DPP9: variants seen among roughly 807,000 people sequenced by gnomAD.
DPP9 encodes dipeptidyl peptidase IV-related protein-2.
Under a neutral mutation model 110.7 loss-of-function variants are expected in DPP9, and 50 were observed. The ratio of observed to expected loss-of-function variants is 0.45; its 90% CI spans 0.36 to 0.57. The LOEUF (loss-of-function observed/expected upper bound fraction) is 0.57. Ranked by LOEUF, DPP9 falls within the 20% of genes least tolerant of loss-of-function variation. The pLI, the probability that DPP9 is intolerant of heterozygous loss-of-function variation, is 0.00. For missense variants in DPP9, 1,022 were observed against 1,217.9 expected (o/e 0.84, Z 2.39); for synonymous variants, 561 against 514.4 (o/e 1.09, Z -1.23).
At chr19:4,715,133 C>T (rs892589036) in intron 3 of DPP9, among the ~76,000 whole-genome samples, 2 of 143,994 alleles carry the variant, frequency 1.4e-5, no homozygotes, top group African/African-American at 2.5e-5. Context: ...GATTCTCCTG[C>T]CTCAGCCTCC....
At position 4,704,894 on chromosome 19, in the gene DPP9, G is replaced by A. The variant is rs1029630445; in HGVS notation, c.427-590C>T. Among the ~76,000 whole-genome samples the A allele has an allele frequency of 3.3e-5, 5 of 152,208 alleles. No individual in the cohort carries two copies. The highest frequency in any genetic ancestry group is 7.3e-5 in the Non-Finnish European group (5 of 68,044). ...CGCGCCTGTAGTCCCAGCTACTTGG[G>A]ACGCTGAGGCAGAAGAATCACTTGA... On this transcript the variant is annotated intron_variant, in intron 5 of 21. Transcript: ENST00000262960. This position sits in a 1 kb window ranked among gnomAD's most constrained non-coding sequence, Gnocchi z 6.0.
rs1329616429 is a variant in DPP9, at chr19:4,694,657, T to A, written c.1516+4A>T. On this transcript the variant is annotated splice_donor_region_variant and intron_variant, in intron 13 of 21. Transcript: ENST00000262960. This position sits in a 1 kb window ranked among gnomAD's most constrained non-coding sequence, Gnocchi z 4.0. ...GTCGACAGCATTCGTCAGGCTCTGC[T>A]CACCTTCCCCGGGGCTGAAGGGCTC... 6.2e-7 allele frequency: 1 copy of A among 1,609,696 alleles called. No individual in the cohort carries two copies. Among genetic ancestry groups the A allele is most frequent in the East Asian group, 2.2e-5 (1 of 44,790 alleles).
In DPP9 at chr19:4,702,051, C is replaced by T; in HGVS notation, c.988G>A (p.Asp330Asn). Residue 330 changes from aspartate to asparagine, a missense_variant, in exon 9 of 22, where the codon GAC becomes AAC. Asp to Asn is a conservative substitution (Grantham distance 23, BLOSUM62 1). Transcript: ENST00000262960. ...CCTGTCCTGGGGTACCGATACGAGT[C>T]CGTCTTCCTTTCTTCTAGCGCAGGA... ...PSPALEERKTDSYRYPRTGSK... is the reference protein window; with the variant it reads ...PSPALEERKTNSYRYPRTGSK... The T allele has an allele frequency of 1.2e-6, 2 of 1,613,942 alleles. No individual in the cohort carries two copies. Among genetic ancestry groups the T allele is most frequent in the Non-Finnish European group, 1.7e-6 (2 of 1,179,836 alleles).
intron 4 of DPP9, among the ~76,000 whole-genome samples, chr19:4,713,407 T>C (rs1042146649): frequency 2.0e-5 from 3 of 152,196 alleles, no homozygotes; most frequent in Admixed American, 6.5e-5. Context: ...ACCCGTGCCC[T>C]GAAGGCACTC....
At chr19:4,714,390 C>G (rs1343759575) in intron 3 of DPP9, 53 bp from the exon 4 acceptor site, 3 of 1,452,326 alleles carry the variant, frequency 2.1e-6, no homozygotes, top group Non-Finnish European at 2.7e-6. Context: ...TACCTACGAG[C>G]TGCCCCAATG....
rs2091532005 is a variant in DPP9 at position 4,693,707 on chromosome 19, G to A, written c.1516+954C>T. On this transcript the variant is annotated intron_variant, in intron 13 of 21. Transcript: ENST00000262960. This position sits in a 1 kb window ranked among gnomAD's most constrained non-coding sequence, Gnocchi z 5.0. ...CTGTGTGCAAGCTGCAACCAGAGGA[G>A]TCATCTGAAACTGAGGTGAGGGTGA... 6.6e-6 allele frequency among the ~76,000 whole-genome samples: 1 copy of A among 152,084 alleles called. No individual in the cohort carries two copies. The highest frequency in any genetic ancestry group is 2.4e-5 in the African/African-American group (1 of 41,408).
In DPP9 at chr19:4,720,329, G is replaced by A. The variant is rs115763968; in HGVS notation, c.-35-388C>T. 1.5e-3 allele frequency among the ~76,000 whole-genome samples: 235 copies of A among 152,182 alleles called. 4 individuals are homozygous for A. The highest frequency in any genetic ancestry group is 5.3e-3 in the African/African-American group (219 of 41,518). ...TGCTTCACCCTTGACCATGACCTTC[G>A]GCCACACTTGCCTCCTTCTTGTCCC... On this transcript the variant is annotated intron_variant, in intron 2 of 21. Coordinates refer to ENST00000262960, the MANE Select transcript of DPP9 (RefSeq NM_139159.5).
At chr19:4,705,410 C>T (rs1053350879) in intron 5 of DPP9, among the ~76,000 whole-genome samples, 14 of 152,138 alleles carry the variant, frequency 9.2e-5, no homozygotes, top group African/African-American at 3.4e-4. Flanking sequence ...TTTGTAGAGA[C>T]AGGCTCTTGC....
chr19:4,686,856 C>T (rs758566790), intron 16 of DPP9, among the ~76,000 whole-genome samples: 7 of 152,204 alleles, frequency 4.6e-5, no homozygotes, highest in East Asian at 1.9e-4. Context: ...TTGGGCGTGG[C>T]GGGACACGCT....
At chr19:4,690,771 ATG>A (rs748976510) in intron 14 of DPP9, 105 bp downstream of exon 14, 48 of 866,130 alleles carry the variant, frequency 5.5e-5, no homozygotes, top group Non-Finnish European at 7.6e-5. Flanking sequence ...GAGAATGAGT[ATG>A]TGTGTGAGTG....
rs1319401506 is a variant in DPP9 at position 4,714,101 on chromosome 19, G to A, written c.293C>T (p.Ser98Phe). 6.2e-7 allele frequency: 1 copy of A among 1,612,064 alleles called. No individual in the cohort carries two copies. The highest frequency in any genetic ancestry group is 1.7e-5 in the Admixed American group (1 of 59,924). ...CTTACCCAGGTAGTAGAGGCGGTGG[G>A]AGTGGGGCCCAGACTCATCCGTCTT... ...VQKTDESGPH[S>F]HRLYYLGMPY... The change falls in exon 4 of 22, where the codon TCC (serine) becomes TTC (phenylalanine). Residue 98 changes from serine (S) to phenylalanine (F), a missense_variant. Coordinates refer to ENST00000262960, the MANE Select transcript of DPP9 (RefSeq NM_139159.5).
rs1568294421 is a variant in DPP9 at position 4,676,239 on chromosome 19, C to G, written c.*325G>C. The G allele has an allele frequency of 3.1e-6, 1 of 320,054 alleles. No individual in the cohort carries two copies. Among genetic ancestry groups the G allele is most frequent in the Non-Finnish European group, 5.9e-6 (1 of 170,162 alleles). The allele number at this position is 320,054 out of a possible 1,614,324, so 19.8% of individuals were successfully genotyped here. On this transcript the variant is annotated 3_prime_UTR_variant, in exon 22 of 22. Transcript: ENST00000262960. This position sits in a 1 kb window ranked among gnomAD's most constrained non-coding sequence, Gnocchi z 4.0. ...AGGGAGCCCCAGGCGGAAGGCAGCC[C>G]GCTCCTCTGAGTCTCTTCTGGCCTC...
chr19:4,694,359 T>C lies in DPP9; in HGVS notation c.1516+302A>G, dbSNP rs1301593456. The C allele has an allele frequency of 2.0e-6, 1 of 502,710 alleles. No individual in the cohort carries two copies. Among genetic ancestry groups the C allele is most frequent in the Non-Finnish European group, 3.5e-6 (1 of 284,708 alleles). 31.1% of individuals were successfully genotyped at this position (502,710 alleles called of 1,614,324 possible). ...CTCAGTGCCAATAAAACTTTATTTA[T>C]GAACACAGGTGGTGGGCCGGATTTG... On this transcript the variant is annotated intron_variant, in intron 13 of 21. Transcript: ENST00000262960. This position sits in a 1 kb window ranked among gnomAD's most constrained non-coding sequence, Gnocchi z 4.0.
At chr19:4,688,971 T>C in intron 15 of DPP9, 79 bp from the exon 16 acceptor site, 1 of 1,451,614 alleles carries the variant, frequency 6.9e-7, no homozygotes. Context: ...AGATCCAGGG[T>C]AGCTTCCCTC....
chr19:4,683,454 G>A (rs564208498), intron 19 of DPP9, 23 bp downstream of exon 19: 3 of 1,612,196 alleles, frequency 1.9e-6, no homozygotes, highest in African/African-American at 2.7e-5. Flanking sequence ...GCGTGGCTGA[G>A]GCCGGCCAGG....
Position 4,675,944 on chromosome 19 carries a change from T to A in DPP9, c.*620A>T, listed in dbSNP as rs1259770550. The A allele has an allele frequency of 6.6e-6, 1 of 152,468 alleles. No homozygotes were observed. Among genetic ancestry groups the A allele is most frequent in the African/African-American group, 2.4e-5 (1 of 41,438 alleles). The allele number at this position is 152,468 out of a possible 1,614,324, so 9.4% of individuals were successfully genotyped here. On this transcript the variant is annotated 3_prime_UTR_variant, in exon 22 of 22. Transcript: ENST00000262960. ...GCGCCACCACACCCGGCTAATTTTTTGTATTTTTAGTAGAGACGGGGTTTC... is the reference window on the plus strand; with the variant it reads ...GCGCCACCACACCCGGCTAATTTTTAGTATTTTTAGTAGAGACGGGGTTTC...
In DPP9 at chr19:4,684,762, G is replaced by A. The variant is rs374776149; in HGVS notation, c.2079C>T (p.Leu693=). Reference sequence around the variant, plus strand: ...CGTAGCCCAGGGAGGCCAGTGTGTTGAGCCGCAAGTACTTGATGCCTTTGA... The same window carrying A: ...CGTAGCCCAGGGAGGCCAGTGTGTTAAGCCGCAAGTACTTGATGCCTTTGA... ...NSFKGIKYLR[L]NTLASLGYAV... The change falls in exon 18 of 22, where the codon CTC becomes CTT. Residue 693 remains leucine (L), a synonymous_variant. Transcript: ENST00000262960. The surrounding 1 kb of genome is among the most constrained non-coding windows in gnomAD (Gnocchi z 4.8). 8.1e-6 allele frequency: 13 copies of A among 1,605,286 alleles called. No homozygotes were observed. The highest frequency in any genetic ancestry group is 1.0e-5 in the Non-Finnish European group (12 of 1,176,182).
chr19:4,688,116 AT>A (rs1030114727), intron 16 of DPP9, among the ~76,000 whole-genome samples: 1 of 150,568 alleles, frequency 6.6e-6, no homozygotes, highest in Non-Finnish European at 1.5e-5. Flanking sequence ...TTAATTTTTA[AT>A]TTTTTTTTAG....
Position 4,685,408 on chromosome 19 carries a change from C to A in DPP9, c.2031+218G>T. On this transcript the variant is annotated intron_variant, in intron 17 of 21. Transcript: ENST00000262960. This position sits in a 1 kb window ranked among gnomAD's most constrained non-coding sequence, Gnocchi z 5.8. Reference sequence around the variant, plus strand: ...AGGCGGAGGGGGAAGGGGAGGCCATCCAGGAAGGGCGGGGAGCGTGCAAAC... The same window carrying A: ...AGGCGGAGGGGGAAGGGGAGGCCATACAGGAAGGGCGGGGAGCGTGCAAAC... 1.5e-6 allele frequency: 1 copy of A among 675,316 alleles called. No homozygotes were observed. Among genetic ancestry groups the A allele is most frequent in the South Asian group, 1.5e-5 (1 of 65,144 alleles). The allele number at this position is 675,316 out of a possible 1,614,324, so 41.8% of individuals were successfully genotyped here.
Sources: allele counts gnomAD v4.1 joint callset (sites outside exome capture counted in the v4.1 genomes callset), GRCh38; gene constraint gnomAD v4.1.1; non-coding constraint Gnocchi (gnomAD v3.1); transcripts MANE v1.5; gene names NCBI Gene and HGNC (gene_info 2026-07-23, HGNC 2026-07-21).